ZFAT: variants seen among roughly 807,000 people sequenced by gnomAD.
The protein encoded by ZFAT is zinc finger protein ZFAT.
In ZFAT, 64 loss-of-function variants were observed where a neutral mutation model predicts 117.7. That is an observed-to-expected ratio of 0.54 (90% confidence interval 0.44 to 0.67). ZFAT has a LOEUF of 0.67. Among genes scored for constraint, ZFAT ranks in the 30% least tolerant of loss-of-function variants. The probability of loss-of-function intolerance (pLI) is 0.00; values close to 1 mark genes in which losing one functional copy is unlikely to be tolerated. For synonymous variants in ZFAT, 679 were observed against 615.0 expected (o/e 1.10, Z -1.54); for missense variants, 1,433 against 1,584.5 (o/e 0.90, Z 1.62).
intron 2 of ZFAT, among the ~76,000 whole-genome samples, chr8:134,642,405 C>A (rs1830637252): frequency 1.3e-5 from 2 of 152,132 alleles, no homozygotes; most frequent in Admixed American, 1.3e-4. Flanking sequence ...TTTATAGAGT[C>A]ACTACTGATA....
intron 11 of ZFAT, among the ~76,000 whole-genome samples, chr8:134,539,365 T>G (rs554246709): frequency 6.6e-6 from 1 of 152,294 alleles, no homozygotes; most frequent in African/African-American, 2.4e-5. Context: ...GTTTTTGCAG[T>G]CTAATTTGTG....
At chr8:134,612,305 G>T (rs569064244) in intron 3 of ZFAT, among the ~76,000 whole-genome samples, 2 of 152,198 alleles carry the variant, frequency 1.3e-5, no homozygotes, top group South Asian at 2.1e-4. Flanking sequence ...AGGTGAGATC[G>T]GAACCATGCA....
At chr8:134,712,743 G>GGCCGGCGGCCGGCGCGGC (rs1814065437) in intron 1 of ZFAT, 102 bp downstream of exon 1, 1 of 1,192,038 alleles carries the variant, frequency 8.4e-7, no homozygotes, top group Non-Finnish European at 1.1e-6. Context: ...GCGGCCGGCG[G>GGCCGGCGGCCGGCGCGGC]CCGGCGCACT....
At chr8:134,728,303 G>A in the ZFAT span, among the ~76,000 whole-genome samples, 1 of 151,878 alleles carries the variant, frequency 6.6e-6, no homozygotes, top group Non-Finnish European at 1.5e-5. Context: ...CATGTACAGG[G>A]AAGGCAGACT....
At chr8:134,517,482 T>C (rs1394574784) in intron 13 of ZFAT, among the ~76,000 whole-genome samples, 1 of 152,238 alleles carries the variant, frequency 6.6e-6, no homozygotes, top group East Asian at 1.9e-4. Flanking sequence ...TGTAAAGTGC[T>C]GCAACAGAGA....
At chr8:134,662,430 C>G (rs1483617890) in intron 1 of ZFAT, among the ~76,000 whole-genome samples, 1 of 152,082 alleles carries the variant, frequency 6.6e-6, no homozygotes, top group African/African-American at 2.4e-5. Context: ...AAAAATGCAG[C>G]AAGAATGGGG....
At chr8:134,694,001 A>C (rs912295172) in intron 1 of ZFAT, among the ~76,000 whole-genome samples, 5 of 152,172 alleles carry the variant, frequency 3.3e-5, no homozygotes, top group African/African-American at 4.8e-5. Flanking sequence ...AAATCCACTC[A>C]CCAGGAAGCA....
At chr8:134,796,513 T>C in the ZFAT span, 2 of 152,220 alleles carry the variant, frequency 1.3e-5, no homozygotes, top group Non-Finnish European at 2.9e-5. Context: ...AAAGCACTTC[T>C]GGTTTTTTCC....
intron 12 of ZFAT, among the ~76,000 whole-genome samples, chr8:134,523,349 G>A (rs1184542455): frequency 6.6e-6 from 1 of 152,074 alleles, no homozygotes; most frequent in African/African-American, 2.4e-5. Context: ...TTTCCTATTT[G>A]TAGCTCCAGC....
At chr8:134,598,778 C>G (rs1827165085) in intron 7 of ZFAT, 1 of 152,198 alleles carries the variant, frequency 6.6e-6, no homozygotes, top group Non-Finnish European at 1.5e-5. Flanking sequence ...TGATAATAGT[C>G]CATGACACAC....
At chr8:134,653,270 T>TTTTAAAA (rs1554615159) in intron 2 of ZFAT, among the ~76,000 whole-genome samples, 1 of 91,888 alleles carries the variant, frequency 1.1e-5, no homozygotes, top group African/African-American at 4.4e-5. Context: ...ATGTCTTTTT[T>TTTTAAAA]AAAAAAAAAA....
chr8:134,677,697 T>G (rs1832872059), intron 1 of ZFAT, among the ~76,000 whole-genome samples: 1 of 152,220 alleles, frequency 6.6e-6, no homozygotes, highest in African/African-American at 2.4e-5. Context: ...ACGAAAATTC[T>G]CAATAAAATA....
chr8:134,538,824 T>C (rs1165276994), intron 11 of ZFAT, among the ~76,000 whole-genome samples: 1 of 150,052 alleles, frequency 6.7e-6, no homozygotes, highest in African/African-American at 2.5e-5. Flanking sequence ...AGATAAAGAT[T>C]AAAAAGACGT....
In ZFAT at chr8:134,556,292, A is replaced by G. The variant is rs553907612; in HGVS notation, c.2976+9041T>C. Among the ~76,000 whole-genome samples, 17 of 152,186 alleles carry G rather than the reference A, an allele frequency of 1.1e-4. No homozygotes were observed. The East Asian group carries it at 2.9e-3, about 26-fold the overall frequency. ...AAAGAAGAATTAAAGGGAGAGAGAG[A>G]GAGATCACCAGAATGTGAGGTGCTA... On this transcript the variant is annotated intron_variant, in intron 11 of 15. Coordinates refer to ENST00000377838, the MANE Select transcript of ZFAT (RefSeq NM_020863.4).
chr8:134,713,350 G>C (rs1489284924), upstream of ZFAT, among the ~76,000 whole-genome samples: 1 of 152,236 alleles, frequency 6.6e-6, no homozygotes. Context: ...GGAGAGTTCT[G>C]GGTGCGCTTC....
chr8:134,792,006 C>T, the ZFAT span: 1 of 152,024 alleles, frequency 6.6e-6, no homozygotes, highest in Non-Finnish European at 1.5e-5. Flanking sequence ...GAAAAAAACA[C>T]CAAACTCAGA....
At chr8:134,647,168 C>T (rs189337576) in intron 2 of ZFAT, among the ~76,000 whole-genome samples, 3 of 152,188 alleles carry the variant, frequency 2.0e-5, no homozygotes, top group Admixed American at 1.3e-4. Flanking sequence ...AAAAATTACA[C>T]GCCATGATAA....
chr8:134,747,049 C>T, the ZFAT span, among the ~76,000 whole-genome samples: 2 of 152,104 alleles, frequency 1.3e-5, no homozygotes, highest in African/African-American at 2.4e-5. Flanking sequence ...GGGATTGATA[C>T]TATTATAATT....
the ZFAT span, among the ~76,000 whole-genome samples, chr8:134,736,074 G>C: frequency 6.6e-6 from 1 of 152,166 alleles, no homozygotes; most frequent in Non-Finnish European, 1.5e-5. Context: ...GATGGCCGAG[G>C]AGTAGGGATC....
Sources: gnomAD v4.1 joint callset for allele counts (sites outside exome capture counted in the v4.1 genomes callset) on GRCh38, gnomAD v4.1.1 for gene constraint, MANE v1.5 for transcripts, NCBI Gene and HGNC (gene_info 2026-07-23, HGNC 2026-07-21) for gene names.